The following ABCA1 variants were observed in gnomAD, a reference collection of about 807,000 sequenced individuals.
The protein encoded by ABCA1 is ATP binding cassette subfamily A member 1, also known as phospholipid-transporting ATPase ABCA1.
ABCA1 carries 133 observed loss-of-function variants against 262.5 expected under a neutral mutation model. The ratio of observed to expected loss-of-function variants is 0.51; its 90% CI spans 0.44 to 0.59. The LOEUF (loss-of-function observed/expected upper bound fraction) is 0.59. ABCA1 is among the 20% of genes least tolerant of loss of function. The pLI, the probability that ABCA1 is intolerant of heterozygous loss-of-function variation, is 0.00. For synonymous variants in ABCA1, 1,022 were observed against 1,043.5 expected, an observed-to-expected ratio of 0.98 and a Z score of 0.40; for missense variants, 2,452 against 2,777.5, an observed-to-expected ratio of 0.88 and a Z score of 2.63.
intron 28 of ABCA1, among the ~76,000 whole-genome samples, chr9:104,811,474 T>C (rs1212719874): frequency 6.6e-6 from 1 of 152,192 alleles, no homozygotes; most frequent in Non-Finnish European, 1.5e-5. Context: ...TGGACAACCA[T>C]AGTCATTATC....
chr9:104,844,827 G>C (rs1834719648), intron 8 of ABCA1, among the ~76,000 whole-genome samples: 1 of 143,536 alleles, frequency 7.0e-6, no homozygotes, highest in Admixed American at 6.7e-5. Context: ...TTTGAGACAA[G>C]GCTGGGAGTC....
chr9:104,819,793 G>A (rs1178907988), intron 21 of ABCA1, 70 bp from the exon 22 acceptor site: 7 of 1,612,592 alleles, frequency 4.3e-6, no homozygotes, highest in East Asian at 2.2e-5. Flanking sequence ...GAGGACCTAG[G>A]GGCACAGCCA....
chr9:104,825,324 T>C (rs1832725016), intron 17 of ABCA1, among the ~76,000 whole-genome samples: 1 of 152,230 alleles, frequency 6.6e-6, no homozygotes, highest in African/African-American at 2.4e-5. Context: ...CGTACCAACA[T>C]TTAACAGTTG....
chr9:104,887,332 T>C (rs962854457), intron 3 of ABCA1, among the ~76,000 whole-genome samples: 4 of 152,118 alleles, frequency 2.6e-5, no homozygotes, highest in Non-Finnish European at 5.9e-5. Flanking sequence ...TTACCATCAG[T>C]ATATACAAGA....
chr9:104,885,042 C>T (rs1839031139), intron 3 of ABCA1, among the ~76,000 whole-genome samples: 1 of 152,042 alleles, frequency 6.6e-6, no homozygotes, highest in African/African-American at 2.4e-5. Context: ...TCAAGACCAC[C>T]CTGGCCAACA....
chr9:104,892,727 GT>G (rs59501244), intron 2 of ABCA1, among the ~76,000 whole-genome samples: 2,978 of 152,302 alleles, frequency 0.02, 114 homozygotes, highest in African/African-American at 0.069. Flanking sequence ...GGAAAGCAAT[GT>G]TAACAATACG....
intron 30 of ABCA1, among the ~76,000 whole-genome samples, chr9:104,806,841 A>AACAAATAC (rs1830812356): frequency 6.6e-6 from 1 of 152,184 alleles, no homozygotes; most frequent in African/African-American, 2.4e-5. Context: ...GGAGACGAAC[A>AACAAATAC]ACAAATACAC....
chr9:104,785,745 G>A, intron 48 of ABCA1, 106 bp from the exon 49 acceptor site: 3 of 1,379,000 alleles, frequency 2.2e-6, no homozygotes, highest in Admixed American at 3.7e-5. Flanking sequence ...GCGGCCCCTG[G>A]CAGGCCCAGA....
intron 30 of ABCA1, among the ~76,000 whole-genome samples, chr9:104,808,038 C>T (rs1172734890): frequency 1.3e-5 from 2 of 152,092 alleles, no homozygotes; most frequent in East Asian, 1.9e-4. Context: ...GAAGCTTACA[C>T]TCTGAACATT....
intron 40 of ABCA1, 76 bp downstream of exon 40, chr9:104,794,311 A>G: frequency 6.2e-7 from 1 of 1,609,200 alleles, no homozygotes; most frequent in South Asian, 1.1e-5. Flanking sequence ...TTCTTTCCAA[A>G]ACAAAGTTCA....
chr9:104,789,602 C>T (rs571489252), intron 44 of ABCA1, among the ~76,000 whole-genome samples: 8 of 152,030 alleles, frequency 5.3e-5, no homozygotes, highest in Non-Finnish European at 1.0e-4. Context: ...TTTTTAATGA[C>T]GCAGTATAAG....
chr9:104,855,862 C>G, intron 7 of ABCA1: 1 of 1,612,646 alleles, frequency 6.2e-7, no homozygotes, highest in East Asian at 2.2e-5. Flanking sequence ...CCAGGAGAAA[C>G]TCACAATACC....
At chr9:104,903,948 G>T (rs773959469) in intron 1 of ABCA1, among the ~76,000 whole-genome samples, 177 bp from the exon 2 acceptor site, 1 of 152,230 alleles carries the variant, frequency 6.6e-6, no homozygotes, top group African/African-American at 2.4e-5. Flanking sequence ...CACCCACAAA[G>T]AGGGACTCGG....
At chr9:104,797,723 GTGTATTCTCA>G (rs1479798744) in intron 37 of ABCA1, among the ~76,000 whole-genome samples, 1 of 152,190 alleles carries the variant, frequency 6.6e-6, no homozygotes, top group Non-Finnish European at 1.5e-5. Context: ...AGGTTACAAG[GTGTATTCTCA>G]TATATCATCT....
chr9:104,877,433 C>G (rs1014123498), intron 5 of ABCA1, among the ~76,000 whole-genome samples: 1 of 152,258 alleles, frequency 6.6e-6, no homozygotes, highest in African/African-American at 2.4e-5. Flanking sequence ...GTCTAGCAGA[C>G]AGCCCACATC....
At chr9:104,827,373 T>C (rs1167325681) in intron 15 of ABCA1, among the ~76,000 whole-genome samples, 1 of 152,044 alleles carries the variant, frequency 6.6e-6, no homozygotes, top group Non-Finnish European at 1.5e-5. Context: ...CGCAGAAAAA[T>C]AATGGCAGAG....
chr9:104,874,663 G>A (rs1210012999), intron 5 of ABCA1, among the ~76,000 whole-genome samples: 6 of 152,218 alleles, frequency 3.9e-5, no homozygotes, highest in Non-Finnish European at 8.8e-5. Context: ...GGCTGAGGCA[G>A]GTGGATCAAC....
Position 104,794,368 on chromosome 9 carries a change from C to CA in ABCA1, c.5506+18dup. On this transcript the variant is annotated intron_variant, in intron 40 of 49. Coordinates refer to ENST00000374736, the MANE Select transcript of ABCA1 (RefSeq NM_005502.4). ...GTGCCATCTCCATTAAAGCATCCTA[C>CA]AGCCACTGCTTCACTCACCAAACCT... 1 of 1,614,034 alleles carries CA rather than the reference C, an allele frequency of 6.2e-7. No individual in the cohort carries two copies. Among genetic ancestry groups the CA allele is most frequent in the Non-Finnish European group, 8.5e-7 (1 of 1,179,972 alleles).
intron 8 of ABCA1, among the ~76,000 whole-genome samples, chr9:104,842,806 A>T (rs1414345289): frequency 6.6e-6 from 1 of 152,052 alleles, no homozygotes; most frequent in African/African-American, 2.4e-5. Flanking sequence ...TCTAGATCAC[A>T]TCATGTCCCC....
Sources: gnomAD v4.1 joint callset for allele counts (sites outside exome capture counted in the v4.1 genomes callset) on GRCh38, gnomAD v4.1.1 for gene constraint, MANE v1.5 for transcripts, NCBI Gene and HGNC (gene_info 2026-07-23, HGNC 2026-07-21) for gene names.